Variants in NUDCD3 observed in about 807,000 individuals in gnomAD.
NUDCD3 encodes nudC domain-containing protein 3.
In NUDCD3, 13 loss-of-function variants were observed where a neutral mutation model predicts 39.7. The ratio of observed to expected loss-of-function variants is 0.33; its 90% CI spans 0.21 to 0.52. NUDCD3 has a LOEUF of 0.52. NUDCD3 is among the 20% of genes least tolerant of loss of function. The probability of loss-of-function intolerance (pLI) is 0.96; values close to 1 mark genes in which losing one functional copy is unlikely to be tolerated. For synonymous variants in NUDCD3, 175 were observed against 172.4 expected, an observed-to-expected ratio of 1.02 and a Z score of -0.12; for missense variants, 453 against 458.1, an observed-to-expected ratio of 0.99 and a Z score of 0.10.
rs372772432 is a variant in NUDCD3, at chr7:44,427,709, A to G, written c.510-6T>C. ...TCTGGAACTGCTCCTGAATCCTGAG[A>G]AAGAATAAAAAATGTGATCCCAGTC... is the stretch of plus-strand genomic sequence containing the variant. On this transcript the variant is annotated splice_polypyrimidine_tract_variant and splice_region_variant and intron_variant, in intron 2 of 5. Coordinates refer to ENST00000355451, the MANE Select transcript of NUDCD3 (RefSeq NM_015332.4). The G allele has an allele frequency of 2.5e-6, 4 of 1,613,500 alleles. No homozygotes were observed. The highest frequency in any genetic ancestry group is 1.3e-5 in the African/African-American group (1 of 74,896).
intron 2 of NUDCD3, among the ~76,000 whole-genome samples, chr7:44,449,275 T>C (rs1042908649): frequency 3.9e-5 from 6 of 152,134 alleles, no homozygotes; most frequent in African/African-American, 1.4e-4. Context: ...GCCAAACACA[T>C]GTGTTTCAAC....
At chr7:44,407,703 TCA>T (rs1055339167) in intron 3 of NUDCD3, among the ~76,000 whole-genome samples, 3 of 151,908 alleles carry the variant, frequency 2.0e-5, no homozygotes, top group Non-Finnish European at 4.4e-5. Context: ...TTTTATGTCT[TCA>T]CAGAGATCTG....
intron 2 of NUDCD3, among the ~76,000 whole-genome samples, chr7:44,464,971 G>T (rs777272213): frequency 8.5e-5 from 13 of 152,114 alleles, no homozygotes; most frequent in Non-Finnish European, 1.6e-4. Flanking sequence ...GCCGAGGGCA[G>T]GGCTCAGGGA....
intron 2 of NUDCD3, among the ~76,000 whole-genome samples, chr7:44,482,056 G>A (rs1800502726): frequency 6.6e-6 from 1 of 152,132 alleles, no homozygotes; most frequent in African/African-American, 2.4e-5. Context: ...TTTTGTTATA[G>A]CAGCCTAAGT....
intron 1 of NUDCD3, among the ~76,000 whole-genome samples, chr7:44,487,584 C>T (rs1800639223): frequency 1.3e-5 from 2 of 152,128 alleles, no homozygotes; most frequent in African/African-American, 2.4e-5. Flanking sequence ...TGTTGTCCCA[C>T]CCCACAATAA....
intron 1 of NUDCD3, among the ~76,000 whole-genome samples, chr7:44,485,799 C>A (rs1371331635): frequency 6.6e-6 from 1 of 152,222 alleles, no homozygotes; most frequent in African/African-American, 2.4e-5. Flanking sequence ...AAGAAACACG[C>A]ACGCACAAAA....
intron 2 of NUDCD3, among the ~76,000 whole-genome samples, chr7:44,437,255 A>G (rs111653293): frequency 0.053 from 7,971 of 151,342 alleles, 320 homozygotes; most frequent in African/African-American, 0.11. Flanking sequence ...TTTTTAGTAG[A>G]GATGGGGTTT....
In NUDCD3 at chr7:44,485,263, T is replaced by A. The variant is rs757931682; in HGVS notation, c.214A>T (p.Met72Leu). 6.2e-7 allele frequency: 1 copy of A among 1,613,050 alleles called. No individual in the cohort carries two copies. The highest frequency in any genetic ancestry group is 8.5e-7 in the Non-Finnish European group (1 of 1,179,298). ...CTCTTCTCATCATCCTGACGGGCCATGTGGTCAAAGGTTTTGAATACCTAA... is the reference window on the plus strand; with the variant it reads ...CTCTTCTCATCATCCTGACGGGCCAAGTGGTCAAAGGTTTTGAATACCTAA... ...VLQVFKTFDH[M>L]ARQDDEKRRQ... The change falls in exon 2 of 6, where the codon ATG (methionine) becomes TTG (leucine). Residue 72 changes from methionine (M) to leucine (L), a missense_variant. Transcript: ENST00000355451.
intron 3 of NUDCD3, among the ~76,000 whole-genome samples, chr7:44,406,567 A>G (rs1798824099): frequency 6.6e-6 from 1 of 152,222 alleles, no homozygotes; most frequent in Non-Finnish European, 1.5e-5. Context: ...ACCCAGCTCT[A>G]TATAACATAA....
chr7:44,474,363 G>T (rs558016045), intron 2 of NUDCD3, among the ~76,000 whole-genome samples: 5 of 152,260 alleles, frequency 3.3e-5, no homozygotes, highest in African/African-American at 1.2e-4. Flanking sequence ...GTTAGTCCAC[G>T]AGGTAGTTCT....
intron 2 of NUDCD3, among the ~76,000 whole-genome samples, chr7:44,450,129 G>A (rs1036199355): frequency 4.6e-5 from 7 of 151,316 alleles, no homozygotes; most frequent in African/African-American, 1.5e-4. Flanking sequence ...TTAGGGAACT[G>A]CAAATTCAAA....
chr7:44,474,207 A>G (rs557409998), intron 2 of NUDCD3, among the ~76,000 whole-genome samples: 1 of 151,934 alleles, frequency 6.6e-6, no homozygotes, highest in South Asian at 2.1e-4. Context: ...CCAAGCTAGC[A>G]TAAAAAGAAG....
At chr7:44,433,505 T>C (rs1017736623) in intron 2 of NUDCD3, among the ~76,000 whole-genome samples, 4 of 152,036 alleles carry the variant, frequency 2.6e-5, no homozygotes, top group Non-Finnish European at 5.9e-5. Context: ...GTGGTGCATG[T>C]GGGCATGCAG....
At chr7:44,469,677 A>G (rs182549564) in intron 2 of NUDCD3, among the ~76,000 whole-genome samples, 2 of 152,360 alleles carry the variant, frequency 1.3e-5, no homozygotes, top group Non-Finnish European at 2.9e-5. Flanking sequence ...TATGATCACA[A>G]TTAACATCAG....
chr7:44,484,877 A>T, intron 2 of NUDCD3, 91 bp downstream of exon 2: 2 of 926,084 alleles, frequency 2.2e-6, no homozygotes, highest in Non-Finnish European at 3.3e-6. Flanking sequence ...ATCAAGAATT[A>T]ATGTGTTACA....
At chr7:44,412,914 G>C (rs1432199119) in intron 3 of NUDCD3, among the ~76,000 whole-genome samples, 2 of 132,558 alleles carry the variant, frequency 1.5e-5, no homozygotes, top group Admixed American at 1.6e-4. Context: ...GCGACAGAGC[G>C]AGACGCCGTC....
chr7:44,488,680 C>T (rs1470532835), intron 1 of NUDCD3, among the ~76,000 whole-genome samples: 1 of 152,176 alleles, frequency 6.6e-6, no homozygotes, highest in African/African-American at 2.4e-5. Context: ...GTTCAGTTAA[C>T]GCATTATCAC....
At chr7:44,448,149 C>T (rs1442100675) in intron 2 of NUDCD3, among the ~76,000 whole-genome samples, 2 of 152,240 alleles carry the variant, frequency 1.3e-5, no homozygotes, top group African/African-American at 4.8e-5. Flanking sequence ...TGCCTTCAGC[C>T]TCCACTCTCC....
chr7:44,486,601 T>C (rs1042350246), intron 1 of NUDCD3, among the ~76,000 whole-genome samples: 2 of 152,212 alleles, frequency 1.3e-5, no homozygotes, highest in Non-Finnish European at 2.9e-5. Flanking sequence ...GCAGATAACC[T>C]GAAGCCCTGA....
Sources: allele counts gnomAD v4.1 joint callset (sites outside exome capture counted in the v4.1 genomes callset), GRCh38; gene constraint gnomAD v4.1.1; transcripts MANE v1.5; gene names NCBI Gene and HGNC (gene_info 2026-07-23, HGNC 2026-07-21).